CADPS: variants seen among roughly 807,000 people sequenced by gnomAD.
CADPS encodes calcium-dependent secretion activator 1.
In CADPS, 57 loss-of-function variants were observed where a neutral mutation model predicts 167.3. That is an observed-to-expected ratio of 0.34 (90% CI 0.28 to 0.42). CADPS has a LOEUF of 0.42. Among genes scored for constraint, CADPS ranks in the 20% least tolerant of loss-of-function variants. The pLI is 1.00. For synonymous variants in CADPS, 676 were observed against 635.3 expected (o/e 1.06, Z -0.96); for missense variants, 1,414 against 1,738.1 (o/e 0.81, Z 3.32).
Position 62,426,911 on chromosome 3 carries a change from C to CA in CADPS, c.3777+11192dup, listed in dbSNP as rs34473998. Among the ~76,000 whole-genome samples the CA allele has an allele frequency of 5.8e-3, 818 of 141,890 alleles. 5 individuals carry two copies. Among genetic ancestry groups the CA allele is most frequent in the African/African-American group, 0.016 (607 of 38,364 alleles). 93.1% of individuals were successfully genotyped at this position (141,890 alleles called of 152,430 possible). On this transcript the variant is annotated intron_variant, in intron 28 of 29. Coordinates refer to ENST00000383710, the MANE Select transcript of CADPS (RefSeq NM_003716.4). ...TGAAACCCTGTCTCTACTAAAAATA[C>CA]AAAAAAAAAAAAAATTAGCTGGGCA...
intron 1 of CADPS, among the ~76,000 whole-genome samples, chr3:62,861,379 T>C (rs1379531916): frequency 2.0e-5 from 3 of 152,286 alleles, no homozygotes; most frequent in Non-Finnish European, 2.9e-5. Context: ...AGCCCACACA[T>C]TGTGACAAGT....
intron 28 of CADPS, among the ~76,000 whole-genome samples, chr3:62,435,198 C>T (rs970473034): frequency 6.6e-6 from 1 of 152,186 alleles, no homozygotes; most frequent in African/African-American, 2.4e-5. Context: ...CCCAGGACCC[C>T]TATCATTAAG....
chr3:62,481,041 AC>A (rs1246725373), intron 22 of CADPS, among the ~76,000 whole-genome samples: 1 of 152,210 alleles, frequency 6.6e-6, no homozygotes, highest in Non-Finnish European at 1.5e-5. Context: ...TATGGCTACC[AC>A]AAATTTAATT....
intron 28 of CADPS, among the ~76,000 whole-genome samples, chr3:62,405,146 G>C (rs948653439): frequency 8.0e-5 from 12 of 150,084 alleles, no homozygotes; most frequent in East Asian, 4.0e-4. Flanking sequence ...TGGGGGGGGG[G>C]GGGGCTCAAC....
chr3:62,606,828 C>T (rs1450030067), intron 6 of CADPS, among the ~76,000 whole-genome samples: 1 of 152,190 alleles, frequency 6.6e-6, no homozygotes, highest in African/African-American at 2.4e-5. Flanking sequence ...ATCCTTTCAG[C>T]CTGGATCCCA....
At chr3:62,568,029 A>G (rs1424585641) in intron 9 of CADPS, among the ~76,000 whole-genome samples, 1 of 152,176 alleles carries the variant, frequency 6.6e-6, no homozygotes, top group Non-Finnish European at 1.5e-5. Context: ...TGTCAATCCA[A>G]GTGCCATCCC....
intron 3 of CADPS, among the ~76,000 whole-genome samples, chr3:62,698,620 C>T (rs1283667979): frequency 3.9e-5 from 4 of 102,902 alleles, no homozygotes; most frequent in Non-Finnish European, 6.8e-5. Flanking sequence ...GGTTCTTATT[C>T]TTGTTCTTGT....
intron 26 of CADPS, among the ~76,000 whole-genome samples, chr3:62,448,440 T>C (rs1185554785): frequency 6.6e-6 from 1 of 152,182 alleles, no homozygotes; most frequent in African/African-American, 2.4e-5. Flanking sequence ...CTCTCCCTCA[T>C]GCACCAGCCC....
chr3:62,719,167 G>A (rs575019966), intron 3 of CADPS, among the ~76,000 whole-genome samples: 5 of 152,298 alleles, frequency 3.3e-5, no homozygotes, highest in South Asian at 2.1e-4. Context: ...GGATCTGCAT[G>A]GCCTAGCCCC....
At position 62,458,211 on chromosome 3, in the gene CADPS, G is replaced by T. The variant is rs1264847044; in HGVS notation, c.3636+7156C>A. On this transcript the variant is annotated intron_variant, in intron 26 of 29. Transcript: ENST00000383710. This position sits in a 1 kb window ranked among gnomAD's most constrained non-coding sequence, Gnocchi z 4.6. ...ACTATATACCAGGTGTTATGAAAGG[G>T]CTACTGTTTATCTCTTATTAGCCCA... 6.6e-6 allele frequency among the ~76,000 whole-genome samples: 1 copy of T among 152,118 alleles called. No individual in the cohort carries two copies. The highest frequency in any genetic ancestry group is 1.5e-5 in the Non-Finnish European group (1 of 68,018).
In CADPS at chr3:62,547,218, A is replaced by G. The variant is rs564811345; in HGVS notation, c.1966+2685T>C. 2.0e-5 allele frequency among the ~76,000 whole-genome samples: 3 copies of G among 152,310 alleles called. No homozygotes were observed. In the South Asian group the frequency reaches 6.2e-4, roughly 32 times the overall value. ...AGTAACCATGGGACGGCTGGGATCC[A>G]CACTATTAGACTGAAGTTCTGGGTA... On this transcript the variant is annotated intron_variant, in intron 11 of 29. Transcript: ENST00000383710.
At chr3:62,852,558 T>A (rs1016612358) in intron 1 of CADPS, among the ~76,000 whole-genome samples, 2 of 151,818 alleles carry the variant, frequency 1.3e-5, no homozygotes, top group Non-Finnish European at 2.9e-5. Flanking sequence ...GGTCCCCTTT[T>A]AAAATCTTTT....
At chr3:62,416,304 A>T (rs1337892656) in intron 28 of CADPS, among the ~76,000 whole-genome samples, 1 of 152,220 alleles carries the variant, frequency 6.6e-6, no homozygotes, top group Non-Finnish European at 1.5e-5. Flanking sequence ...TATGTGCTTT[A>T]ATGCTCATGA....
At chr3:62,843,398 T>A (rs2076914530) in intron 1 of CADPS, among the ~76,000 whole-genome samples, 2 of 152,186 alleles carry the variant, frequency 1.3e-5, no homozygotes, top group African/African-American at 4.8e-5. Flanking sequence ...ATTTCTATGT[T>A]AAAGACAATT....
At chr3:62,402,657 C>T (rs899997123) in intron 29 of CADPS, among the ~76,000 whole-genome samples, 4 of 152,170 alleles carry the variant, frequency 2.6e-5, no homozygotes, top group African/African-American at 9.7e-5. Context: ...TGATAATGAT[C>T]ACAGGACATA....
At chr3:62,401,612 T>C (rs563040204) in intron 29 of CADPS, among the ~76,000 whole-genome samples, 1 of 152,182 alleles carries the variant, frequency 6.6e-6, no homozygotes, top group Non-Finnish European at 1.5e-5. Context: ...TTAAAGTTTG[T>C]GAATTCTGCT....
At chr3:62,818,630 G>T (rs1410385482) in intron 1 of CADPS, among the ~76,000 whole-genome samples, 1 of 152,146 alleles carries the variant, frequency 6.6e-6, no homozygotes, top group Non-Finnish European at 1.5e-5. Context: ...TAACGGTTTG[G>T]CAGATGAGAT....
chr3:62,431,994 A>G (rs1575940654), intron 28 of CADPS, among the ~76,000 whole-genome samples: 2 of 152,050 alleles, frequency 1.3e-5, no homozygotes, highest in Admixed American at 6.6e-5. Context: ...TACAATATAC[A>G]TATACTGCAT....
intron 3 of CADPS, among the ~76,000 whole-genome samples, chr3:62,751,861 GA>G (rs1216288034): frequency 2.0e-5 from 3 of 152,032 alleles, no homozygotes; most frequent in African/African-American, 7.2e-5. Flanking sequence ...TTTTTTAGGA[GA>G]AAACAGTAAA....
Sources: allele counts gnomAD v4.1 joint callset (sites outside exome capture counted in the v4.1 genomes callset), GRCh38; gene constraint gnomAD v4.1.1; non-coding constraint Gnocchi (gnomAD v3.1); transcripts MANE v1.5; gene names NCBI Gene and HGNC (gene_info 2026-07-23, HGNC 2026-07-21).